Variants in NOS1AP observed in about 807,000 individuals in gnomAD.
NOS1AP encodes nitric oxide synthase 1 adaptor protein.
A neutral mutation model predicts 56.2 loss-of-function variants in NOS1AP; 21 were observed. That is an observed-to-expected ratio of 0.37 (90% CI 0.26 to 0.54). NOS1AP has a LOEUF of 0.54. NOS1AP is among the 20% of genes least tolerant of loss of function. NOS1AP has a pLI of 0.84. For missense variants in NOS1AP, 522 were observed against 657.8 expected, an observed-to-expected ratio of 0.79 and a Z score of 2.26; for synonymous variants, 270 against 274.6, an observed-to-expected ratio of 0.98 and a Z score of 0.17.
intron 5 of NOS1AP, among the ~76,000 whole-genome samples, chr1:162,336,379 T>C (rs534975944): frequency 6.8e-4 from 103 of 152,276 alleles, no homozygotes; most frequent in African/African-American, 2.4e-3. Flanking sequence ...TCTTACCCAC[T>C]CCATTATACT....
At chr1:162,106,804 A>G (rs1647526781) in intron 1 of NOS1AP, among the ~76,000 whole-genome samples, 1 of 152,246 alleles carries the variant, frequency 6.6e-6, no homozygotes, top group Admixed American at 6.5e-5. Flanking sequence ...GCAAAATAGC[A>G]TAAAGCTGAT....
chr1:162,236,906 C>G (rs1653310119), intron 2 of NOS1AP, among the ~76,000 whole-genome samples: 1 of 152,164 alleles, frequency 6.6e-6, no homozygotes, highest in Non-Finnish European at 1.5e-5. Context: ...AGCTAAATTG[C>G]TAGTTACTTG....
chr1:162,340,543 T>C (rs1215448445), intron 5 of NOS1AP, among the ~76,000 whole-genome samples: 2 of 152,248 alleles, frequency 1.3e-5, no homozygotes, highest in African/African-American at 4.8e-5. Context: ...GTGAATTCCA[T>C]AGTCAGGATA....
intron 1 of NOS1AP, among the ~76,000 whole-genome samples, chr1:162,096,968 C>T (rs1692258242): frequency 6.6e-6 from 1 of 152,088 alleles, no homozygotes; most frequent in South Asian, 2.1e-4. Flanking sequence ...AATTGTAGGA[C>T]CATAAGCTGA....
At chr1:162,111,693 T>C (rs532168497) in intron 1 of NOS1AP, among the ~76,000 whole-genome samples, 1 of 152,306 alleles carries the variant, frequency 6.6e-6, no homozygotes, top group South Asian at 2.1e-4. Context: ...AAGGATGACA[T>C]ACAGAGAGGT....
chr1:162,104,458 T>G (rs1222862291), intron 1 of NOS1AP, among the ~76,000 whole-genome samples: 1 of 152,204 alleles, frequency 6.6e-6, no homozygotes, highest in East Asian at 1.9e-4. Flanking sequence ...TGGCATGTCT[T>G]TCTAGGTTGG....
rs1326430758 is a variant in NOS1AP at position 162,300,615 on chromosome 1, T to TA, written c.271-16dup. The TA allele has an allele frequency of 3.1e-6, 5 of 1,609,634 alleles. No homozygotes were observed. In the African/African-American group the frequency reaches 6.7e-5, roughly 22 times the overall value. ...CTGGTCCTGTAACTGAGGACAAGCCTAACTTATTCATTTACAGCTTCTTTT... is the reference window on the plus strand; with the variant it reads ...CTGGTCCTGTAACTGAGGACAAGCCTAAACTTATTCATTTACAGCTTCTTTT... On this transcript the variant is annotated splice_polypyrimidine_tract_variant and intron_variant, in intron 3 of 9. Coordinates refer to ENST00000361897, the MANE Select transcript of NOS1AP (RefSeq NM_014697.3).
chr1:162,346,546 T>G (rs1657302274), intron 6 of NOS1AP, among the ~76,000 whole-genome samples: 1 of 152,214 alleles, frequency 6.6e-6, no homozygotes, highest in African/African-American at 2.4e-5. Context: ...TACACATGCA[T>G]GCACACACAC....
chr1:162,176,005 G>C (rs1473712167), intron 2 of NOS1AP, among the ~76,000 whole-genome samples: 3 of 152,058 alleles, frequency 2.0e-5, no homozygotes, highest in Admixed American at 2.0e-4. Flanking sequence ...AGTTCTTTTT[G>C]CCATTAGTTT....
chr1:162,082,721 G>A (rs933188521), intron 1 of NOS1AP, among the ~76,000 whole-genome samples: 4 of 151,760 alleles, frequency 2.6e-5, no homozygotes, highest in Admixed American at 6.6e-5. Context: ...TATGTTTATT[G>A]GCCCACCTCT....
intron 2 of NOS1AP, among the ~76,000 whole-genome samples, chr1:162,224,452 A>G (rs1406224044): frequency 1.3e-5 from 2 of 152,214 alleles, no homozygotes; most frequent in Non-Finnish European, 2.9e-5. Context: ...ATGGAAACTT[A>G]GGACATTATT....
chr1:162,343,688 G>C, intron 5 of NOS1AP, 147 bp from the exon 6 acceptor site: 3 of 865,156 alleles, frequency 3.5e-6, no homozygotes, highest in Non-Finnish European at 5.8e-6. Context: ...ATTTCAGAAA[G>C]GGGAAATGTC....
chr1:162,359,987 CT>C (rs1452132859), intron 8 of NOS1AP, among the ~76,000 whole-genome samples: 2 of 152,212 alleles, frequency 1.3e-5, no homozygotes, highest in Admixed American at 6.5e-5. Context: ...CTTGATGTCA[CT>C]TGTTGCACTA....
chr1:162,114,225 G>A (rs1647836146), intron 1 of NOS1AP, among the ~76,000 whole-genome samples: 1 of 151,876 alleles, frequency 6.6e-6, no homozygotes, highest in Non-Finnish European at 1.5e-5. Context: ...ATCAGTCAGG[G>A]TTCAACCAAA....
rs146911013 is a variant in NOS1AP at position 162,367,246 on chromosome 1, C to T, written c.1300C>T (p.Leu434Phe). 1 of 1,613,712 alleles carries T rather than the reference C, an allele frequency of 6.2e-7. No individual in the cohort carries two copies. Among genetic ancestry groups the T allele is most frequent in the Non-Finnish European group, 8.5e-7 (1 of 1,179,970 alleles). Residue 434 changes from leucine to phenylalanine, a missense_variant, in exon 10 of 10, where the codon CTT (leucine) becomes TTT (phenylalanine). Coordinates refer to ENST00000361897, the MANE Select transcript of NOS1AP (RefSeq NM_014697.3). This position sits in a 1 kb window ranked among gnomAD's most constrained non-coding sequence, Gnocchi z 6.5. Reference sequence around the variant, plus strand: ...GGTGAAGCTGGAGTGCTTTCGCTTTCTTCCGCCCGAGGACACCCCGCCCCC... The same window carrying T: ...GGTGAAGCTGGAGTGCTTTCGCTTTTTTCCGCCCGAGGACACCCCGCCCCC... ...CLVKLECFRF[L>F]PPEDTPPPAQ...
At chr1:162,193,839 C>T (rs1651719413) in intron 2 of NOS1AP, among the ~76,000 whole-genome samples, 1 of 152,186 alleles carries the variant, frequency 6.6e-6, no homozygotes, top group Non-Finnish European at 1.5e-5. Context: ...GGTTCTGCTG[C>T]TCTCTTTTCC....
chr1:162,296,388 T>G (rs1655463093), intron 3 of NOS1AP, among the ~76,000 whole-genome samples: 1 of 152,240 alleles, frequency 6.6e-6, no homozygotes, highest in Non-Finnish European at 1.5e-5. Context: ...ATCTTGATGA[T>G]TTCCTGATCT....
rs34840500 is a variant in NOS1AP at position 162,339,394 on chromosome 1, C to CT, written c.454-4434dup. Among the ~76,000 whole-genome samples the CT allele has an allele frequency of 1.9e-3, 203 of 105,478 alleles. 1 individual carries two copies. Among genetic ancestry groups the CT allele is most frequent in the Admixed American group, 2.6e-3 (27 of 10,430 alleles). The allele number at this position is 105,478 out of a possible 152,430, so 69.2% of individuals were successfully genotyped here. A position where few individuals can be genotyped will look rare whatever the true frequency, so the allele number is the denominator to read the frequency against. ...ACAGAAATAATGCAGTATAATGATGCTTTTTTTAAAAAAAAAAAAAATCTA... is the reference window on the plus strand; with the variant it reads ...ACAGAAATAATGCAGTATAATGATGCTTTTTTTTAAAAAAAAAAAAAATCTA... On this transcript the variant is annotated intron_variant, in intron 5 of 9. Transcript: ENST00000361897.
chr1:162,274,193 A>C (rs911576823), intron 2 of NOS1AP, among the ~76,000 whole-genome samples: 4 of 152,194 alleles, frequency 2.6e-5, no homozygotes, highest in Admixed American at 1.3e-4. Context: ...TGAGAAGTCC[A>C]GTGGCTCTGC....
Sources: allele counts gnomAD v4.1 joint callset (sites outside exome capture counted in the v4.1 genomes callset), GRCh38; gene constraint gnomAD v4.1.1; non-coding constraint Gnocchi (gnomAD v3.1); transcripts MANE v1.5; gene names NCBI Gene and HGNC (gene_info 2026-07-23, HGNC 2026-07-21).